The following GALNT13 variants were observed in gnomAD, a reference collection of about 807,000 sequenced individuals.
GALNT13 encodes UDP-GalNAc:polypeptide N-acetylgalactosaminyltransferase 13.
GALNT13 carries 28 observed loss-of-function variants against 64.2 expected under a neutral mutation model. That is an observed-to-expected ratio of 0.44 (90% CI 0.32 to 0.60). The LOEUF is 0.60. Ranked by LOEUF, GALNT13 falls within the 20% of genes least tolerant of loss-of-function variation. The pLI is 0.05. For missense variants in GALNT13, 577 were observed against 669.8 expected, an observed-to-expected ratio of 0.86 and a Z score of 1.53; for synonymous variants, 214 against 224.6, an observed-to-expected ratio of 0.95 and a Z score of 0.42.
At chr2:154,161,268 G>A (rs1684709107) in intron 4 of GALNT13, among the ~76,000 whole-genome samples, 5 of 152,054 alleles carry the variant, frequency 3.3e-5, no homozygotes, top group Admixed American at 2.6e-4. Flanking sequence ...TCTAATAAAT[G>A]CATTCTATAT....
the GALNT13 span, among the ~76,000 whole-genome samples, chr2:153,361,912 A>G: frequency 6.6e-6 from 1 of 152,154 alleles, no homozygotes; most frequent in African/African-American, 2.4e-5. Flanking sequence ...CCCAAGACAC[A>G]TAATCGTCAG....
At chr2:153,753,632 G>A in the GALNT13 span, among the ~76,000 whole-genome samples, 1 of 152,130 alleles carries the variant, frequency 6.6e-6, no homozygotes, top group Admixed American at 6.5e-5. Flanking sequence ...ACCCACCTGG[G>A]GGGTGGAATG....
At chr2:153,400,311 G>A in the GALNT13 span, among the ~76,000 whole-genome samples, 32 of 152,144 alleles carry the variant, frequency 2.1e-4, no homozygotes, top group African/African-American at 7.7e-4. Context: ...TTGATGTGCT[G>A]CTGGATTCGT....
the GALNT13 span, among the ~76,000 whole-genome samples, chr2:153,526,928 T>C: frequency 6.6e-6 from 1 of 152,142 alleles, no homozygotes; most frequent in Admixed American, 6.5e-5. Context: ...GAGTCTTTTA[T>C]TAGCAGAACT....
chr2:153,786,750 T>C, the GALNT13 span, among the ~76,000 whole-genome samples: 392 of 152,060 alleles, frequency 2.6e-3, 1 homozygote, highest in African/African-American at 8.0e-3. Context: ...CCAGTGGCAA[T>C]TGAAAGCCCC....
At chr2:153,099,096 G>C in the GALNT13 span, among the ~76,000 whole-genome samples, 115 of 152,294 alleles carry the variant, frequency 7.6e-4, 1 homozygote, top group African/African-American at 2.7e-3. Context: ...CTGGGCAACA[G>C]AGTGAGACTC....
intron 10 of GALNT13, among the ~76,000 whole-genome samples, chr2:154,399,920 G>A (rs1254814405): frequency 6.6e-6 from 1 of 152,100 alleles, no homozygotes; most frequent in African/African-American, 2.4e-5. Context: ...TAAAAAACCT[G>A]ATACATTTAA....
At chr2:154,264,931 G>T (rs953183948) in intron 8 of GALNT13, among the ~76,000 whole-genome samples, 12 of 149,978 alleles carry the variant, frequency 8.0e-5, no homozygotes, top group Non-Finnish European at 1.6e-4. Context: ...AATATAAAAG[G>T]AATATATATA....
At chr2:154,282,625 T>TGTG (rs1269193663) in intron 8 of GALNT13, among the ~76,000 whole-genome samples, 1 of 152,056 alleles carries the variant, frequency 6.6e-6, no homozygotes, top group African/African-American at 2.4e-5. Context: ...ACAATCAGTT[T>TGTG]GTGTCTATTT....
the GALNT13 span, among the ~76,000 whole-genome samples, chr2:153,852,554 A>G: frequency 1.3e-5 from 2 of 152,238 alleles, no homozygotes; most frequent in African/African-American, 4.8e-5. Flanking sequence ...AAATTTACAA[A>G]TAGTTGTATA....
chr2:153,368,278 G>T, the GALNT13 span, among the ~76,000 whole-genome samples: 3 of 152,078 alleles, frequency 2.0e-5, no homozygotes, highest in South Asian at 6.2e-4. Context: ...TTCATGATGG[G>T]ATTAGTCTTC....
At chr2:153,385,402 A>T in the GALNT13 span, among the ~76,000 whole-genome samples, 1 of 152,090 alleles carries the variant, frequency 6.6e-6, no homozygotes, top group Non-Finnish European at 1.5e-5. Context: ...ATGGAACTGG[A>T]GATCCTTATG....
chr2:154,314,575 G>A (rs1694227863), intron 9 of GALNT13, among the ~76,000 whole-genome samples: 3 of 152,140 alleles, frequency 2.0e-5, no homozygotes, highest in Admixed American at 2.0e-4. Flanking sequence ...CTTCTGATAA[G>A]GGGCTCAGGC....
chr2:154,010,634 G>GT (rs1382708359), intron 3 of GALNT13, among the ~76,000 whole-genome samples: 1 of 152,016 alleles, frequency 6.6e-6, no homozygotes, highest in Non-Finnish European at 1.5e-5. Context: ...CTTCTCCTCA[G>GT]TTTTTTGGAA....
chr2:153,095,950 G>A, the GALNT13 span, among the ~76,000 whole-genome samples: 6 of 152,076 alleles, frequency 3.9e-5, no homozygotes, highest in Non-Finnish European at 8.8e-5. Context: ...ATGAGTTAAT[G>A]GGTGCAGCAT....
chr2:153,884,536 A>C (rs990303027), intron 1 of GALNT13, among the ~76,000 whole-genome samples: 1 of 151,742 alleles, frequency 6.6e-6, no homozygotes, highest in Non-Finnish European at 1.5e-5. Context: ...ATAGTACTAC[A>C]TTATGGGGCT....
the GALNT13 span, among the ~76,000 whole-genome samples, chr2:153,185,807 G>A: frequency 6.6e-6 from 1 of 152,220 alleles, no homozygotes; most frequent in Admixed American, 6.5e-5. Flanking sequence ...ATGTGATTGT[G>A]TTGTGGTCTG....
At chr2:153,299,682 A>C in the GALNT13 span, among the ~76,000 whole-genome samples, 1 of 152,210 alleles carries the variant, frequency 6.6e-6, no homozygotes, top group African/African-American at 2.4e-5. Flanking sequence ...GGACACAATC[A>C]ATACAGATCA....
chr2:154,345,292 A>G (rs1219575928), intron 9 of GALNT13, among the ~76,000 whole-genome samples: 1 of 152,046 alleles, frequency 6.6e-6, no homozygotes. Flanking sequence ...CCCTGAGATC[A>G]AGAATAACCT....
Sources: allele counts gnomAD v4.1 joint callset (sites outside exome capture counted in the v4.1 genomes callset), GRCh38; gene constraint gnomAD v4.1.1; transcripts MANE v1.5; gene names NCBI Gene and HGNC (gene_info 2026-07-23, HGNC 2026-07-21).